TMEFF2: variants seen among roughly 807,000 people sequenced by gnomAD.
TMEFF2 encodes the protein tomoregulin-2.
TMEFF2 carries 28 observed loss-of-function variants against 53.8 expected under a neutral mutation model. That is an observed-to-expected ratio of 0.52 (90% CI 0.39 to 0.71). The LOEUF (loss-of-function observed/expected upper bound fraction) is 0.71, where lower values mean the gene tolerates loss of function less well. Among genes scored for constraint, TMEFF2 ranks in the 30% least tolerant of loss-of-function variants. TMEFF2 has a pLI of 0.00. For synonymous variants in TMEFF2, 162 were observed against 166.3 expected (o/e 0.97, Z 0.20); for missense variants, 353 against 455.2 (o/e 0.78, Z 2.04).
chr2:191,964,251 T>C (rs918735792), intron 7 of TMEFF2, among the ~76,000 whole-genome samples: 2 of 64,288 alleles, frequency 3.1e-5, no homozygotes, highest in Non-Finnish European at 5.8e-5. Flanking sequence ...CTTCCTTCCT[T>C]CCTTCCTCCT....
intron 7 of TMEFF2, among the ~76,000 whole-genome samples, chr2:191,959,099 A>G (rs760410734): frequency 1.3e-5 from 2 of 152,176 alleles, no homozygotes; most frequent in Non-Finnish European, 2.9e-5. Flanking sequence ...ATTATATAAA[A>G]ATTATATATT....
In TMEFF2 at chr2:192,194,651, C is replaced by A. The variant is rs1691562637; in HGVS notation, c.-127G>T. The A allele has an allele frequency of 9.5e-7, 1 of 1,053,228 alleles. No individual in the cohort carries two copies. Among genetic ancestry groups the A allele is most frequent in the Non-Finnish European group, 1.4e-6 (1 of 722,008 alleles). The allele number at this position is 1,053,228 out of a possible 1,614,324, so 65.2% of individuals were successfully genotyped here. ...AGAGGCGGCGGCGGTGGCAGTGGCACCCGGCGGGGAAGCAGCAGCCAAACC... is the reference window on the plus strand; with the variant it reads ...AGAGGCGGCGGCGGTGGCAGTGGCAACCGGCGGGGAAGCAGCAGCCAAACC... On this transcript the variant is annotated 5_prime_UTR_variant, in exon 1 of 10. Coordinates refer to ENST00000272771, the MANE Select transcript of TMEFF2 (RefSeq NM_016192.4). This position sits in a 1 kb window ranked among gnomAD's most constrained non-coding sequence, Gnocchi z 4.2.
At chr2:191,982,137 ATAT>A (rs1685866933) in intron 7 of TMEFF2, among the ~76,000 whole-genome samples, 1 of 370 alleles carries the variant, frequency 2.7e-3, no homozygotes, top group Non-Finnish European at 7.6e-3. Context: ...GGATTCTACC[ATAT>A]CCATATTTAT....
At chr2:191,968,509 T>C (rs76415131) in intron 7 of TMEFF2, among the ~76,000 whole-genome samples, 2,706 of 152,340 alleles carry the variant, frequency 0.018, 77 homozygotes, top group African/African-American at 0.062. Context: ...GCTTCTAAAT[T>C]GCAGGCCTTA....
At chr2:191,989,227 ACCAGG>A (rs1686049147) in intron 7 of TMEFF2, among the ~76,000 whole-genome samples, 1 of 152,176 alleles carries the variant, frequency 6.6e-6, no homozygotes. Flanking sequence ...CTTCCGTGAA[ACCAGG>A]CCTCAATTTT....
In TMEFF2 at chr2:191,998,246, A is replaced by T. The variant is rs1372261704; in HGVS notation, c.745+16T>A. On this transcript the variant is annotated intron_variant, in intron 7 of 9. Coordinates refer to ENST00000272771, the MANE Select transcript of TMEFF2 (RefSeq NM_016192.4). ...AATAGAAGAGCTCACATTTTGTAGAAGAAAATATTATGTACCTGCATAATC... is the reference window on the plus strand; with the variant it reads ...AATAGAAGAGCTCACATTTTGTAGATGAAAATATTATGTACCTGCATAATC... 2 of 1,577,286 alleles carry T rather than the reference A, an allele frequency of 1.3e-6. No individual in the cohort carries two copies. Among genetic ancestry groups the T allele is most frequent in the Non-Finnish European group, 1.7e-6 (2 of 1,160,396 alleles).
At chr2:192,145,819 ATAGAACT>A (rs1690237821) in intron 4 of TMEFF2, among the ~76,000 whole-genome samples, 1 of 152,030 alleles carries the variant, frequency 6.6e-6, no homozygotes, top group African/African-American at 2.4e-5. Context: ...TATTCTACTT[ATAGAACT>A]TAGAATAGTG....
At chr2:192,142,101 GAA>G (rs1343208233) in intron 4 of TMEFF2, among the ~76,000 whole-genome samples, 1 of 152,132 alleles carries the variant, frequency 6.6e-6, no homozygotes, top group Non-Finnish European at 1.5e-5. Flanking sequence ...AAGAGGGAAT[GAA>G]AGAGTTTGAT....
intron 4 of TMEFF2, among the ~76,000 whole-genome samples, chr2:192,148,660 T>G (rs1055716737): frequency 6.6e-6 from 1 of 152,000 alleles, no homozygotes; most frequent in Non-Finnish European, 1.5e-5. Flanking sequence ...AAGGACACAT[T>G]TTAAATTTGT....
chr2:192,156,216 T>G (rs1690503972), intron 4 of TMEFF2, among the ~76,000 whole-genome samples: 1 of 152,064 alleles, frequency 6.6e-6, no homozygotes, highest in Non-Finnish European at 1.5e-5. Flanking sequence ...TGTAGCTTCT[T>G]TAATTCAAAT....
At chr2:192,019,688 G>C (rs970286396) in intron 5 of TMEFF2, among the ~76,000 whole-genome samples, 1 of 150,958 alleles carries the variant, frequency 6.6e-6, no homozygotes, top group Non-Finnish European at 1.5e-5. Flanking sequence ...TTTTCCTGAT[G>C]ATATATTAAA....
intron 7 of TMEFF2, among the ~76,000 whole-genome samples, chr2:191,983,095 T>C (rs1685892147): frequency 6.6e-6 from 1 of 152,128 alleles, no homozygotes; most frequent in Admixed American, 6.6e-5. Context: ...AAAAACATCC[T>C]ACACTCTAAT....
intron 5 of TMEFF2, among the ~76,000 whole-genome samples, chr2:192,020,134 C>A (rs1278039004): frequency 6.6e-6 from 1 of 152,068 alleles, no homozygotes; most frequent in African/African-American, 2.4e-5. Context: ...AGTTTTTCTT[C>A]CCTACCCTCT....
chr2:192,008,957 T>G (rs1291833625), intron 5 of TMEFF2, among the ~76,000 whole-genome samples: 1 of 152,220 alleles, frequency 6.6e-6, no homozygotes, highest in East Asian at 1.9e-4. Flanking sequence ...ATTTTATCCA[T>G]GAAAGATAAG....
chr2:192,018,124 G>A (rs55903351), intron 5 of TMEFF2, among the ~76,000 whole-genome samples: 9,312 of 152,198 alleles, frequency 0.061, 393 homozygotes, highest in Non-Finnish European at 0.097. Context: ...GATTCTATGA[G>A]GATGATAAAT....
Position 192,169,192 on chromosome 2 carries a change from A to G in TMEFF2, c.439+10476T>C, listed in dbSNP as rs935103754. ...ATGAATCAGACTGATGATACAAAGT[A>G]TAATTGATGAGAGACATGTAGTCCA... On this transcript the variant is annotated intron_variant, in intron 4 of 9. Coordinates refer to ENST00000272771, the MANE Select transcript of TMEFF2 (RefSeq NM_016192.4). 2.0e-5 allele frequency among the ~76,000 whole-genome samples: 3 copies of G among 152,172 alleles called. No homozygotes were observed. In the South Asian group the frequency reaches 6.2e-4, roughly 31 times the overall value.
chr2:191,965,162 AC>A (rs1005731727), intron 7 of TMEFF2, among the ~76,000 whole-genome samples: 8 of 152,232 alleles, frequency 5.3e-5, no homozygotes, highest in African/African-American at 1.9e-4. Context: ...AGGTGATCAC[AC>A]TTTTATGGAG....
chr2:192,141,473 A>C (rs1690138038), intron 4 of TMEFF2, among the ~76,000 whole-genome samples: 1 of 151,808 alleles, frequency 6.6e-6, no homozygotes, highest in African/African-American at 2.4e-5. Flanking sequence ...AAAAAAAAAA[A>C]AAAAAAGAAG....
intron 4 of TMEFF2, among the ~76,000 whole-genome samples, chr2:192,068,435 A>T (rs1688214784): frequency 1.3e-5 from 2 of 151,888 alleles, no homozygotes; most frequent in Admixed American, 6.6e-5. Context: ...AGCCTATAGA[A>T]AAAGTCTTTC....
Sources: gnomAD v4.1 joint callset for allele counts (sites outside exome capture counted in the v4.1 genomes callset) on GRCh38, gnomAD v4.1.1 for gene constraint, Gnocchi (gnomAD v3.1) non-coding constraint, MANE v1.5 for transcripts, NCBI Gene and HGNC (gene_info 2026-07-23, HGNC 2026-07-21) for gene names.